Variants in SPTBN2 observed in about 807,000 individuals in gnomAD.
The protein encoded by SPTBN2 is spectrin beta chain, non-erythrocytic 2.
Under a neutral mutation model 284.2 loss-of-function variants are expected in SPTBN2, and 107 were observed. The ratio of observed to expected loss-of-function variants is 0.38; its 90% CI spans 0.32 to 0.44. SPTBN2 has a LOEUF of 0.44. Ranked by LOEUF, SPTBN2 falls within the 20% of genes least tolerant of loss-of-function variation. The probability of loss-of-function intolerance (pLI) is 1.00; values close to 1 mark genes in which losing one functional copy is unlikely to be tolerated. For missense variants in SPTBN2, 2,569 were observed against 3,287.1 expected (o/e 0.78, Z 5.34); for synonymous variants, 1,289 against 1,354.8 (o/e 0.95, Z 1.07).
Position 66,684,034 on chromosome 11 carries a change from A to G in SPTBN2, c.*1837T>C, listed in dbSNP as rs563769556. Among the ~76,000 whole-genome samples, 3 of 152,314 alleles carry G rather than the reference A, an allele frequency of 2.0e-5. No individual in the cohort carries two copies. The highest frequency in any genetic ancestry group is 7.2e-5 in the African/African-American group (3 of 41,558). On this transcript the variant is annotated 3_prime_UTR_variant, in exon 38 of 38. Coordinates refer to ENST00000533211, the MANE Select transcript of SPTBN2 (RefSeq NM_006946.4). The stretch of plus-strand genomic sequence containing the variant: ...AATTATCCTGCAGGCTCTCTGGTCT[A>G]CCGGTTTGGAGCCCACTCTGGGGCT...
intron 27 of SPTBN2, among the ~76,000 whole-genome samples, chr11:66,690,879 G>A (rs926094494): frequency 2.6e-5 from 4 of 152,144 alleles, no homozygotes; most frequent in African/African-American, 9.7e-5. Context: ...GTGCAGTGGA[G>A]GGATCTCAGC....
Position 66,693,514 on chromosome 11 carries a change from C to CCCTT in SPTBN2, c.4594-72_4594-69dup, listed in dbSNP as rs1940708631. 3 of 1,547,316 alleles carry CCCTT rather than the reference C, an allele frequency of 1.9e-6. No homozygotes were observed. The highest frequency in any genetic ancestry group is 2.6e-6 in the Non-Finnish European group (3 of 1,153,828). On this transcript the variant is annotated intron_variant, in intron 23 of 37. Transcript: ENST00000533211. The surrounding 1 kb of genome is among the most constrained non-coding windows in gnomAD (Gnocchi z 5.7). ...CAGCCCCACGTGCTCCCGGAGACCA[C>CCCTT]CCTTCACCCCTGTGCCTCTCTCCTT...
In SPTBN2 at chr11:66,715,409, G is replaced by A. The variant is rs771493775; in HGVS notation, c.310-14C>T. The A allele has an allele frequency of 1.2e-6, 2 of 1,605,274 alleles. No individual in the cohort carries two copies. Among genetic ancestry groups the A allele is most frequent in the Non-Finnish European group, 1.7e-6 (2 of 1,173,626 alleles). On this transcript the variant is annotated splice_polypyrimidine_tract_variant and intron_variant, in intron 4 of 37. Coordinates refer to ENST00000533211, the MANE Select transcript of SPTBN2 (RefSeq NM_006946.4). This position sits in a 1 kb window ranked among gnomAD's most constrained non-coding sequence, Gnocchi z 5.3. Reference sequence around the variant, plus strand: ...TGTAGGCTTTGGCTGTGGAGGGACGGGGGCAAAATGGCACGGGACTGTGGG... The same window carrying A: ...TGTAGGCTTTGGCTGTGGAGGGACGAGGGCAAAATGGCACGGGACTGTGGG...
At chr11:66,705,949 C>T (rs1941534358) in intron 13 of SPTBN2, 112 bp from the exon 14 acceptor site, 4 of 1,455,892 alleles carry the variant, frequency 2.7e-6, no homozygotes, top group African/African-American at 1.4e-5. Flanking sequence ...AGGTGAGAAA[C>T]CTGCTTGCTC....
intron 8 of SPTBN2, 134 bp from the exon 9 acceptor site, chr11:66,711,163 C>CT: frequency 1.3e-6 from 1 of 748,992 alleles, no homozygotes; most frequent in Non-Finnish European, 2.4e-6. Context: ...AAAATGACAA[C>CT]TTACCCATTC....
chr11:66,709,559 T>C (rs917145678), intron 10 of SPTBN2, among the ~76,000 whole-genome samples: 9 of 152,244 alleles, frequency 5.9e-5, no homozygotes, highest in Non-Finnish European at 1.3e-4. Context: ...TTCTTTAATA[T>C]TATTTTCAGT....
chr11:66,721,378 G>T lies in SPTBN2; in HGVS notation c.-51C>A. On this transcript the variant is annotated 5_prime_UTR_variant, in exon 2 of 38. Transcript: ENST00000533211. ...TGCTCCGCTCTCCTTGTGGCCAGAGGCTGCGGTTGGCTGCTCAGTGGAAAT... is the reference window on the plus strand; with the variant it reads ...TGCTCCGCTCTCCTTGTGGCCAGAGTCTGCGGTTGGCTGCTCAGTGGAAAT... 1.7e-6 allele frequency: 2 copies of T among 1,177,384 alleles called. No individual in the cohort carries two copies. The highest frequency in any genetic ancestry group is 2.5e-6 in the Non-Finnish European group (2 of 802,530). The allele number at this position is 1,177,384 out of a possible 1,614,324, so 72.9% of individuals were successfully genotyped here. A position where few individuals can be genotyped will look rare whatever the true frequency, so the allele number is the denominator to read the frequency against.
intron 20 of SPTBN2, among the ~76,000 whole-genome samples, chr11:66,697,946 C>T (rs139121567): frequency 2.0e-5 from 3 of 152,264 alleles, no homozygotes; most frequent in African/African-American, 7.2e-5. Context: ...ACCATCATGC[C>T]CTTGAGAAAA....
chr11:66,695,094 A>C (rs540649968), intron 21 of SPTBN2, among the ~76,000 whole-genome samples: 2 of 152,272 alleles, frequency 1.3e-5, no homozygotes, highest in South Asian at 4.1e-4. Context: ...CTCTCCAAGG[A>C]GGTCTGAGAC....
intron 1 of SPTBN2, among the ~76,000 whole-genome samples, chr11:66,722,892 CAAAAAA>C (rs1293210992): frequency 1.8e-5 from 1 of 55,232 alleles, no homozygotes; most frequent in Non-Finnish European, 3.7e-5. Context: ...GATTCTGCCT[CAAAAAA>C]AAAAAAAAAA....
intron 15 of SPTBN2, among the ~76,000 whole-genome samples, chr11:66,702,961 C>A (rs1456785859): frequency 6.5e-4 from 84 of 128,476 alleles, no homozygotes; most frequent in South Asian, 8.1e-4. Flanking sequence ...AAAAAAAAAA[C>A]CAAAAAAAAC....
intron 1 of SPTBN2, among the ~76,000 whole-genome samples, chr11:66,723,824 C>G (rs369893979): frequency 6.6e-6 from 1 of 152,160 alleles, no homozygotes; most frequent in African/African-American, 2.4e-5. Flanking sequence ...CCTGAACTAG[C>G]GTCACCTAAT....
rs754546057 is a variant in SPTBN2, at chr11:66,710,475, A to C, written c.1073+107T>G. On this transcript the variant is annotated intron_variant, in intron 10 of 37. Coordinates refer to ENST00000533211, the MANE Select transcript of SPTBN2 (RefSeq NM_006946.4). The surrounding 1 kb of genome is among the most constrained non-coding windows in gnomAD (Gnocchi z 4.9). ...GATGCTTCTGGTGTGGGAAATCTCC[A>C]CTGCATTTATGTACTGCCAAATTTC... 8.9e-7 allele frequency: 1 copy of C among 1,118,684 alleles called. No individual in the cohort carries two copies. The highest frequency in any genetic ancestry group is 1.3e-6 in the Non-Finnish European group (1 of 762,120). 69.3% of individuals were successfully genotyped at this position (1,118,684 alleles called of 1,614,324 possible). A position where few individuals can be genotyped will look rare whatever the true frequency, so the allele number is the denominator to read the frequency against.
chr11:66,723,551 G>T (rs2135573859), intron 1 of SPTBN2, among the ~76,000 whole-genome samples: 1 of 152,210 alleles, frequency 6.6e-6, no homozygotes, highest in Admixed American at 6.5e-5. Context: ...CTCCTAAAGA[G>T]AAAATGTGCA....
At chr11:66,699,663 A>G in intron 17 of SPTBN2, 55 bp from the exon 18 acceptor site, 1 of 1,586,212 alleles carries the variant, frequency 6.3e-7, no homozygotes, top group Non-Finnish European at 8.6e-7. Context: ...TCACCCCCCT[A>G]GGAGGGACCC....
intron 1 of SPTBN2, among the ~76,000 whole-genome samples, chr11:66,742,584 T>C (rs1324378061): frequency 6.6e-6 from 1 of 152,086 alleles, no homozygotes; most frequent in Non-Finnish European, 1.5e-5. Flanking sequence ...GGTGGAGCAT[T>C]TTCTGCTGGG....
At position 66,704,629 on chromosome 11, in the gene SPTBN2, G is replaced by A. The variant is rs761263852; in HGVS notation, c.2647C>T (p.Arg883Cys). The A allele has an allele frequency of 5.2e-5, 84 of 1,612,006 alleles. 2 individuals carry two copies. The highest frequency in any genetic ancestry group is 1.6e-4 in the Middle Eastern group (1 of 6,080). Reference sequence around the variant, plus strand: ...TGCACGACCTCCAGGTCCTCCAGGCGTTCAGGCAGGGCCAGCCCGTTGAGC... The same window carrying A: ...TGCACGACCTCCAGGTCCTCCAGGCATTCAGGCAGGGCCAGCCCGTTGAGC... ...QWLNGLALPE[R>C]LEDLEVVQQR... The change falls in exon 15 of 38, where the codon CGC becomes TGC. Residue 883 changes from arginine to cysteine, a missense_variant. This residue lies in a region of SPTBN2 where 1,012 missense variants were observed against 1,248.9 expected (regional missense o/e 0.81). Coordinates refer to ENST00000533211, the MANE Select transcript of SPTBN2 (RefSeq NM_006946.4).
At chr11:66,735,091 G>A (rs1489232918) in intron 1 of SPTBN2, among the ~76,000 whole-genome samples, 3 of 152,160 alleles carry the variant, frequency 2.0e-5, no homozygotes, top group Non-Finnish European at 4.4e-5. Flanking sequence ...CCAGTATTTT[G>A]GGAGGCTGAA....
In SPTBN2 at chr11:66,684,534, C is replaced by T. The variant is rs545974469; in HGVS notation, c.*1337G>A. On this transcript the variant is annotated 3_prime_UTR_variant, in exon 38 of 38. Coordinates refer to ENST00000533211, the MANE Select transcript of SPTBN2 (RefSeq NM_006946.4). ...CCTGTGGTTCAGGCTACTCGGGAGGCTGAGGTGGGAGGATTGCTTGAACCC... is the reference window on the plus strand; with the variant it reads ...CCTGTGGTTCAGGCTACTCGGGAGGTTGAGGTGGGAGGATTGCTTGAACCC... 6.6e-5 allele frequency among the ~76,000 whole-genome samples: 10 copies of T among 150,858 alleles called. No individual in the cohort carries two copies. The highest frequency in any genetic ancestry group is 2.4e-4 in the African/African-American group (10 of 40,980).
Sources: allele counts gnomAD v4.1 joint callset (sites outside exome capture counted in the v4.1 genomes callset), GRCh38; gene constraint gnomAD v4.1.1; regional missense constraint gnomAD v4.1.1; non-coding constraint Gnocchi (gnomAD v3.1); transcripts MANE v1.5; gene names NCBI Gene and HGNC (gene_info 2026-07-23, HGNC 2026-07-21).